Variants in PKHD1L1 observed in about 807,000 individuals in gnomAD.
PKHD1L1 encodes the protein PKHD1 like 1.
A neutral mutation model predicts 462.9 loss-of-function variants in PKHD1L1; 434 were observed. The observed-to-expected ratio is 0.94, with a 90% confidence interval of 0.87 to 1.02. The LOEUF is 1.02. Ranked by LOEUF, PKHD1L1 falls within the 50% of genes least tolerant of loss-of-function variation. The pLI is 0.00. For synonymous variants in PKHD1L1, 1,781 were observed against 1,750.0 expected, an observed-to-expected ratio of 1.02 and a Z score of -0.44; for missense variants, 5,202 against 5,096.1, an observed-to-expected ratio of 1.02 and a Z score of -0.63.
intron 30 of PKHD1L1, among the ~76,000 whole-genome samples, chr8:109,437,393 G>A (rs1815483167): frequency 6.6e-6 from 1 of 151,976 alleles, no homozygotes; most frequent in South Asian, 2.1e-4. Flanking sequence ...TGCACAACGT[G>A]CAGGTTAGTT....
Position 109,393,644 on chromosome 8 carries a change from C to T in PKHD1L1, c.741-771C>T, listed in dbSNP as rs1812813275. Among the ~76,000 whole-genome samples the T allele has an allele frequency of 2.6e-5, 4 of 152,260 alleles. No homozygotes were observed. In the South Asian group the frequency reaches 6.2e-4, roughly 24 times the overall value. ...GGACTCAAACTGCCTGGGTCCAGTT[C>T]TGTGTCTGCCACTTACTCACTGTGC... On this transcript the variant is annotated intron_variant, in intron 9 of 77. Coordinates refer to ENST00000378402, the MANE Select transcript of PKHD1L1 (RefSeq NM_177531.6).
chr8:109,433,169 T>C lies in PKHD1L1; in HGVS notation c.3293T>C (p.Val1098Ala). The C allele has an allele frequency of 1.2e-6, 2 of 1,613,664 alleles. No individual in the cohort carries two copies. Among genetic ancestry groups the C allele is most frequent in the Non-Finnish European group, 1.7e-6 (2 of 1,179,678 alleles). Reference sequence around the variant, plus strand: ...TCTGGATTTTCTCCTAGTTCAGCTGTAACAGTCTCAGTTGGACCAGTAGGT... The same window carrying C: ...TCTGGATTTTCTCCTAGTTCAGCTGCAACAGTCTCAGTTGGACCAGTAGGT... ...VGSGFSPSSA[V>A]TVSVGPVGCS... The change falls in exon 28 of 78, where the codon GTA becomes GCA. Residue 1098 changes from valine (V) to alanine (A), a missense_variant. By Grantham distance (64) the Val-to-Ala change is moderately conservative (BLOSUM62 0). Coordinates refer to ENST00000378402, the MANE Select transcript of PKHD1L1 (RefSeq NM_177531.6).
rs562680458 is a variant in PKHD1L1, at chr8:109,412,248, T to C, written c.2086-17T>C. On this transcript the variant is annotated splice_polypyrimidine_tract_variant and intron_variant, in intron 19 of 77. Coordinates refer to ENST00000378402, the MANE Select transcript of PKHD1L1 (RefSeq NM_177531.6). ...CAATAAATCATGTTTTCATTTGAAA[T>C]ATTATTGTTTCGGTAGGAACATATT... 3 of 1,611,208 alleles carry C rather than the reference T, an allele frequency of 1.9e-6. No individual in the cohort carries two copies. In the African/African-American group the frequency reaches 4.0e-5, roughly 22 times the overall value.
intron 19 of PKHD1L1, among the ~76,000 whole-genome samples, chr8:109,410,688 T>C (rs921473469): frequency 1.3e-5 from 2 of 151,414 alleles, no homozygotes; most frequent in Non-Finnish European, 2.9e-5. Flanking sequence ...AATCATGTAA[T>C]TTTGTTGGTA....
rs556702623 is a variant in PKHD1L1, at chr8:109,398,519, A to G, written c.983A>G (p.Lys328Arg). The change falls in exon 12 of 78, where the codon AAA (lysine) becomes AGA (arginine). Residue 328 changes from lysine (K) to arginine (R), a missense_variant. Lys to Arg is a conservative substitution (Grantham distance 26, BLOSUM62 2). Around this residue, in one of 3 missense-constraint regions of PKHD1L1, gnomAD observed 4,497 missense variants for 4,336.8 expected, o/e 1.04. Coordinates refer to ENST00000378402, the MANE Select transcript of PKHD1L1 (RefSeq NM_177531.6). ...ENSICCKTPP[K>R]PHILKTVYPG... ...AGTATATGTTGCAAGACACCCCCCA[A>G]ACCTCATATTCTCAAAACTGTATAT... The G allele has an allele frequency of 3.2e-6, 5 of 1,573,386 alleles. No homozygotes were observed. Among genetic ancestry groups the G allele is most frequent in the Non-Finnish European group, 4.3e-6 (5 of 1,154,608 alleles).
In PKHD1L1 at chr8:109,526,854, G is replaced by C; in HGVS notation, c.12555G>C (p.Leu4185=). The stretch of plus-strand genomic sequence containing the variant: ...TAGAATCCAGAACTTTCAGCCTGCT[G>C]GCAGAGTCTGTCTCTAGCAGTGGCA... ...VGVESRTFSL[L]AESVSSSGSS... is the part of the protein sequence containing the mutation. The change falls in exon 77 of 78, where the codon CTG becomes CTC. Residue 4185 remains leucine (L), a synonymous_variant. Transcript: ENST00000378402. 1 of 1,599,034 alleles carries C rather than the reference G, an allele frequency of 6.3e-7. No individual in the cohort carries two copies.
chr8:109,518,736 A>C (rs1180031962), intron 73 of PKHD1L1, among the ~76,000 whole-genome samples: 1 of 152,184 alleles, frequency 6.6e-6, no homozygotes, highest in Non-Finnish European at 1.5e-5. Context: ...ATGATTAATA[A>C]GTTCAACAAA....
chr8:109,449,383 T>G lies in PKHD1L1; in HGVS notation c.6071T>G (p.Phe2024Cys). ...ACCATGACTGTGACAGGCACCGGAT[T>G]TAATCCACAAAATTCAATTATATTA... ...GQTMTVTGTG[F>C]NPQNSIILVC... Residue 2024 changes from phenylalanine (F) to cysteine (C), a missense_variant, in exon 40 of 78, where the codon TTT (phenylalanine) becomes TGT (cysteine). This residue lies in a region of PKHD1L1 where 4,497 missense variants were observed against 4,336.8 expected (regional missense o/e 1.04). Transcript: ENST00000378402. 6.3e-7 allele frequency: 1 copy of G among 1,585,564 alleles called. No homozygotes were observed. The highest frequency in any genetic ancestry group is 8.6e-7 in the Non-Finnish European group (1 of 1,164,420).
At chr8:109,494,410 T>C (rs1173468555) in intron 63 of PKHD1L1, among the ~76,000 whole-genome samples, 2 of 151,974 alleles carry the variant, frequency 1.3e-5, no homozygotes, top group Non-Finnish European at 2.9e-5. Context: ...CAGTTGCCTT[T>C]ACAAACTTAG....
chr8:109,481,509 C>T lies in PKHD1L1; in HGVS notation c.9404C>T (p.Thr3135Ile). ...DLKIVLRGNH[T>I]TQDWALPEGP... ...AAGATTGTTCTTAGAGGAAATCATA[C>T]TACACAAGACTGGGCTCTTCCAGAA... Residue 3135 changes from threonine to isoleucine, a missense_variant, in exon 56 of 78, where the codon ACT (threonine) becomes ATT (isoleucine). By Grantham distance (89) the Thr-to-Ile change is moderately conservative. Transcript: ENST00000378402. The T allele has an allele frequency of 6.3e-7, 1 of 1,595,724 alleles. No homozygotes were observed. The highest frequency in any genetic ancestry group is 1.3e-5 in the African/African-American group (1 of 74,562).
At chr8:109,369,548 A>G (rs1811391926) in intron 2 of PKHD1L1, among the ~76,000 whole-genome samples, 1 of 151,838 alleles carries the variant, frequency 6.6e-6, no homozygotes, top group African/African-American at 2.4e-5. Flanking sequence ...TATTTTTCAG[A>G]ATGGTTGTTG....
At chr8:109,513,703 C>T (rs1047120914) in intron 71 of PKHD1L1, among the ~76,000 whole-genome samples, 5 of 152,054 alleles carry the variant, frequency 3.3e-5, no homozygotes, top group Non-Finnish European at 5.9e-5. Flanking sequence ...TCCATCCCTT[C>T]GCTCCAGACA....
rs933240737 is a variant in PKHD1L1 at position 109,530,645 on chromosome 8, T to A, written c.*555T>A. ...TTCCTGTCTTTCAGATTCACAGTAATCCCAGGAATTCTAGACTGTCCTGTA... is the reference window on the plus strand; with the variant it reads ...TTCCTGTCTTTCAGATTCACAGTAAACCCAGGAATTCTAGACTGTCCTGTA... On this transcript the variant is annotated 3_prime_UTR_variant, in exon 78 of 78. Coordinates refer to ENST00000378402, the MANE Select transcript of PKHD1L1 (RefSeq NM_177531.6). Among the ~76,000 whole-genome samples the A allele has an allele frequency of 2.6e-5, 4 of 152,114 alleles. No individual in the cohort carries two copies. Among genetic ancestry groups the A allele is most frequent in the African/African-American group, 4.8e-5 (2 of 41,432 alleles).
At chr8:109,528,196 A>C (rs2131051773) in intron 77 of PKHD1L1, among the ~76,000 whole-genome samples, 1 of 152,282 alleles carries the variant, frequency 6.6e-6, no homozygotes, top group African/African-American at 2.4e-5. Flanking sequence ...GGGAAAAGGC[A>C]CTCAAGAACA....
chr8:109,439,493 G>T (rs1294044557), intron 32 of PKHD1L1, among the ~76,000 whole-genome samples: 1 of 152,094 alleles, frequency 6.6e-6, no homozygotes, highest in Non-Finnish European at 1.5e-5. Context: ...ATTACCTCAA[G>T]AGTTTAATTG....
Position 109,476,642 on chromosome 8 carries a change from A to C in PKHD1L1, c.8892A>C (p.Ala2964=). 1.9e-6 allele frequency: 3 copies of C among 1,600,652 alleles called. No individual in the cohort carries two copies. The highest frequency in any genetic ancestry group is 1.7e-6 in the Non-Finnish European group (2 of 1,172,624). Residue 2964 remains alanine, a synonymous_variant, in exon 52 of 78, where the codon GCA becomes GCC. Coordinates refer to ENST00000378402, the MANE Select transcript of PKHD1L1 (RefSeq NM_177531.6). ...AGAATGGGGACTGGCACCTTGAAGC[A>C]AACACTAGTACTCTATATTACTTGG... The part of the protein sequence containing the change: ...TSKNGDWHLE[A]NTSTLYYLVS...
chr8:109,482,647 T>C (rs953608109), intron 56 of PKHD1L1, among the ~76,000 whole-genome samples: 1 of 138,854 alleles, frequency 7.2e-6, no homozygotes, highest in African/African-American at 2.7e-5. Flanking sequence ...TTTTATAGCC[T>C]ATTATTTTAC....
rs1821070472 is a variant in PKHD1L1 at position 109,532,796 on chromosome 8, C to T, written c.*2706C>T. ...TCATTGCAATGACTTCTAGATGGTC[C>T]ATCTGTTTTTACCTTTTATCCATTT... On this transcript the variant is annotated 3_prime_UTR_variant, in exon 78 of 78. Transcript: ENST00000378402. Among the ~76,000 whole-genome samples the T allele has an allele frequency of 6.6e-6, 1 of 152,132 alleles. No homozygotes were observed. Among genetic ancestry groups the T allele is most frequent in the South Asian group, 2.1e-4 (1 of 4,826 alleles).
At chr8:109,495,762 G>A (rs556557964) in intron 63 of PKHD1L1, among the ~76,000 whole-genome samples, 1 of 152,060 alleles carries the variant, frequency 6.6e-6, no homozygotes, top group Non-Finnish European at 1.5e-5. Context: ...GAAGATAAAA[G>A]GAAACAGATA....
Sources: allele counts gnomAD v4.1 joint callset (sites outside exome capture counted in the v4.1 genomes callset), GRCh38; gene constraint gnomAD v4.1.1; regional missense constraint gnomAD v4.1.1; transcripts MANE v1.5; gene names NCBI Gene and HGNC (gene_info 2026-07-23, HGNC 2026-07-21).